RELL1: variants seen among roughly 807,000 people sequenced by gnomAD.
The protein encoded by RELL1 is RELT-like protein 1.
A neutral mutation model predicts 23.0 loss-of-function variants in RELL1; 10 were observed. That is an observed-to-expected ratio of 0.43 (90% confidence interval 0.27 to 0.74). The LOEUF (loss-of-function observed/expected upper bound fraction) is 0.74. RELL1 is among the 30% of genes least tolerant of loss of function. The probability of loss-of-function intolerance (pLI) is 0.19; values close to 1 mark genes in which losing one functional copy is unlikely to be tolerated. For missense variants in RELL1, 315 were observed against 364.4 expected (o/e 0.86, Z 1.10); for synonymous variants, 146 against 146.8 (o/e 0.99, Z 0.04).
intron 4 of RELL1, among the ~76,000 whole-genome samples, chr4:37,638,117 A>T (rs752354843): frequency 3.9e-5 from 6 of 152,142 alleles, no homozygotes; most frequent in Non-Finnish European, 7.3e-5. Flanking sequence ...CCTTCTTCCC[A>T]TCACTATTCT....
Position 37,590,933 on chromosome 4 carries a change from C to T in RELL1, c.*288G>A, listed in dbSNP as rs375131188. On this transcript the variant is annotated 3_prime_UTR_variant, in exon 7 of 7. Transcript: ENST00000314117. ...GGGGAGATTGTGGACGAGGATGCAG[C>T]GGTGGCGGAGGCCCTTGCAGCTTTA... 2.7e-5 allele frequency: 43 copies of T among 1,614,132 alleles called. No individual in the cohort carries two copies. In the East Asian group the frequency reaches 2.7e-4, roughly 10 times the overall value.
chr4:37,588,711 G>A (rs377041421), downstream of RELL1: 342 of 628,546 alleles, frequency 5.4e-4, 1 homozygote, highest in African/African-American at 5.5e-3. Flanking sequence ...TCTGACCCAC[G>A]TGGTAGTTAT....
intron 3 of RELL1, among the ~76,000 whole-genome samples, chr4:37,646,871 G>T (rs1294674525): frequency 6.6e-6 from 1 of 152,048 alleles, no homozygotes; most frequent in East Asian, 1.9e-4. Flanking sequence ...GGGAACATAG[G>T]AATGTGCCAC....
At chr4:37,592,650 C>A (rs1718676079) in intron 6 of RELL1, among the ~76,000 whole-genome samples, 1 of 152,212 alleles carries the variant, frequency 6.6e-6, no homozygotes, top group Non-Finnish European at 1.5e-5. Context: ...TTTTGTAACA[C>A]AGAATTGAAA....
intron 1 of RELL1, among the ~76,000 whole-genome samples, chr4:37,659,711 T>C (rs1721251521): frequency 1.3e-5 from 2 of 152,156 alleles, no homozygotes; most frequent in African/African-American, 4.8e-5. Context: ...AGAATTCCAC[T>C]ATTCCCCAAC....
intron 1 of RELL1, among the ~76,000 whole-genome samples, chr4:37,678,475 G>C (rs1204882423): frequency 6.6e-6 from 1 of 152,172 alleles, no homozygotes; most frequent in African/African-American, 2.4e-5. Context: ...ACTCTGCCAA[G>C]CCCATCAGAC....
Position 37,671,199 on chromosome 4 carries a change from A to G in RELL1, c.88+15001T>C, listed in dbSNP as rs547640379. On this transcript the variant is annotated intron_variant, in intron 1 of 6. Transcript: ENST00000454158. ...CTGCACTTCTGCCTAGGGACTACAA[A>G]TTGGGGGCTTTCCATGACCCCCCTC... Among the ~76,000 whole-genome samples the G allele has an allele frequency of 2.0e-5, 3 of 152,286 alleles. No homozygotes were observed. In the South Asian group the frequency reaches 6.2e-4, roughly 32 times the overall value.
chr4:37,651,636 T>G (rs1720944473), intron 1 of RELL1, among the ~76,000 whole-genome samples: 1 of 152,132 alleles, frequency 6.6e-6, no homozygotes, highest in African/African-American at 2.4e-5. Context: ...CTGAAGAATT[T>G]TAAAGCTTGA....
intron 6 of RELL1, among the ~76,000 whole-genome samples, chr4:37,618,704 T>C (rs1023986599): frequency 6.6e-6 from 1 of 152,212 alleles, no homozygotes; most frequent in Non-Finnish European, 1.5e-5. Context: ...CATTTATGCA[T>C]GATATTTATT....
chr4:37,594,036 A>G (rs150158197), intron 6 of RELL1, among the ~76,000 whole-genome samples: 1 of 152,340 alleles, frequency 6.6e-6, no homozygotes, highest in African/African-American at 2.4e-5. Context: ...AGAGTTCACC[A>G]TAACTGACAG....
At chr4:37,630,824 T>C (rs1720104920) in intron 6 of RELL1, among the ~76,000 whole-genome samples, 1 of 152,230 alleles carries the variant, frequency 6.6e-6, no homozygotes, top group East Asian at 1.9e-4. Context: ...CAAAGAAAAC[T>C]GGTTTCCAAC....
At chr4:37,642,054 A>C (rs1292545489) in intron 3 of RELL1, among the ~76,000 whole-genome samples, 2 of 152,152 alleles carry the variant, frequency 1.3e-5, no homozygotes, top group Non-Finnish European at 2.9e-5. Flanking sequence ...TAACCCTGAC[A>C]TCTTCCTTCC....
intron 1 of RELL1, among the ~76,000 whole-genome samples, chr4:37,673,018 G>A (rs112799380): frequency 2.3e-4 from 35 of 152,226 alleles, no homozygotes; most frequent in African/African-American, 8.2e-4. Context: ...TGGACCATGT[G>A]TGGTGGCTCA....
chr4:37,602,007 A>G (rs1237784893), intron 6 of RELL1, among the ~76,000 whole-genome samples: 1 of 152,046 alleles, frequency 6.6e-6, no homozygotes. Flanking sequence ...TGAGCTCAGG[A>G]GTTCGAGACC....
intron 1 of RELL1, among the ~76,000 whole-genome samples, chr4:37,669,093 G>A (rs1721669731): frequency 7.4e-6 from 1 of 135,530 alleles, no homozygotes; most frequent in South Asian, 2.3e-4. Context: ...CGCCCCGTCT[G>A]GGAGGTGAGG....
chr4:37,588,637 A>G, downstream of RELL1: 1 of 522,782 alleles, frequency 1.9e-6, no homozygotes, highest in Non-Finnish European at 3.4e-6. Context: ...GGCAAGTGTC[A>G]GTGAACGTTT....
chr4:37,658,602 A>G (rs1487833570), intron 1 of RELL1, among the ~76,000 whole-genome samples: 1 of 152,218 alleles, frequency 6.6e-6, no homozygotes, highest in African/African-American at 2.4e-5. Context: ...GATTCAAACC[A>G]GGCAGTGTGG....
intron 1 of RELL1, among the ~76,000 whole-genome samples, chr4:37,666,881 G>A (rs552536991): frequency 9.8e-5 from 15 of 152,308 alleles, no homozygotes; most frequent in African/African-American, 2.6e-4. Context: ...AGGTTAGGTC[G>A]GGCAATGTTC....
At chr4:37,677,201 T>A (rs1722048803) in intron 1 of RELL1, among the ~76,000 whole-genome samples, 5 of 152,188 alleles carry the variant, frequency 3.3e-5, no homozygotes, top group Admixed American at 3.3e-4. Context: ...AGCATGAGGA[T>A]CAAGGGCATA....
Sources: gnomAD v4.1 joint callset for allele counts (sites outside exome capture counted in the v4.1 genomes callset) on GRCh38, gnomAD v4.1.1 for gene constraint, MANE v1.5 for transcripts, NCBI Gene and HGNC (gene_info 2026-07-23, HGNC 2026-07-21) for gene names.